FHAD1: variants seen among roughly 807,000 people sequenced by gnomAD.
FHAD1 encodes the protein forkhead associated phosphopeptide binding domain 1, also known as forkhead-associated domain-containing protein 1.
Under a neutral mutation model 191.3 loss-of-function variants are expected in FHAD1, and 146 were observed. The observed-to-expected ratio is 0.76, with a 90% CI of 0.67 to 0.88. The LOEUF (loss-of-function observed/expected upper bound fraction) is 0.88. FHAD1 is among the 40% of genes least tolerant of loss of function. The probability of loss-of-function intolerance (pLI) is 0.00; values close to 1 mark genes in which losing one functional copy is unlikely to be tolerated. For synonymous variants in FHAD1, 616 were observed against 672.3 expected (o/e 0.92, Z 1.29); for missense variants, 1,635 against 1,785.8 (o/e 0.92, Z 1.52).
In FHAD1 at chr1:15,381,916, C is replaced by T. The variant is rs919453519; in HGVS notation, c.4023-112C>T. 2.6e-5 allele frequency: 31 copies of T among 1,192,638 alleles called. No individual in the cohort carries two copies. Among genetic ancestry groups the T allele is most frequent in the Non-Finnish European group, 3.2e-5 (27 of 848,494 alleles). The allele number at this position is 1,192,638 out of a possible 1,614,324, so 73.9% of individuals were successfully genotyped here. The stretch of plus-strand genomic sequence containing the variant: ...ATGCTCTCCTGCTTGTGATGACACT[C>T]CTGAGTGAGCCCCCACTGTGGATGT... On this transcript the variant is annotated intron_variant, in intron 30 of 33. Transcript: ENST00000688493. The surrounding 1 kb of genome is among the most constrained non-coding windows in gnomAD (Gnocchi z 4.6).
intron 13 of FHAD1, chr1:15,328,670 T>C (rs1274163040): frequency 8.1e-6 from 3 of 369,474 alleles, no homozygotes; most frequent in Non-Finnish European, 1.4e-5. Flanking sequence ...TTACTGACTT[T>C]GAGCGGCCCG....
chr1:15,361,162 T>G (rs1694680395), intron 22 of FHAD1, among the ~76,000 whole-genome samples: 1 of 152,174 alleles, frequency 6.6e-6, no homozygotes, highest in African/African-American at 2.4e-5. Context: ...TGTGAGCACT[T>G]ATTTGCCCCA....
rs938488627 is a variant in FHAD1, at chr1:15,369,366, C to T, written c.3315-4C>T. On this transcript the variant is annotated splice_region_variant and splice_polypyrimidine_tract_variant and intron_variant, in intron 25 of 33. Coordinates refer to ENST00000688493, the MANE Select transcript of FHAD1 (RefSeq NM_001391957.1). Reference sequence around the variant, plus strand: ...TCGTGCCATCCTCCTCTTCTCTACCCTAGGGCTTCCCAAGAGAAACACAGA... The same window carrying T: ...TCGTGCCATCCTCCTCTTCTCTACCTTAGGGCTTCCCAAGAGAAACACAGA... 1 of 1,552,024 alleles carries T rather than the reference C, an allele frequency of 6.4e-7. No individual in the cohort carries two copies. The highest frequency in any genetic ancestry group is 8.7e-7 in the Non-Finnish European group (1 of 1,147,040).
Position 15,313,191 on chromosome 1 carries a change from A to T in FHAD1, c.1170+4A>T, listed in dbSNP as rs1406817830. On this transcript the variant is annotated splice_donor_region_variant and intron_variant, in intron 8 of 33. Transcript: ENST00000688493. ...GCTGGAAGCCCTTGGCTCTAGAGTG[A>T]GTAAGGATGACTGCGTCACCTTGTA... 6.4e-7 allele frequency: 1 copy of T among 1,551,876 alleles called. No individual in the cohort carries two copies. Among genetic ancestry groups the T allele is most frequent in the Admixed American group, 2.0e-5 (1 of 51,002 alleles).
rs1174092208 is a variant in FHAD1, at chr1:15,329,058, A to G, written c.1711-288A>G. The stretch of plus-strand genomic sequence containing the variant: ...ACGAATGGAAAAAAGAAGTAGCCAC[A>G]TTTGCTTCTCATTGCAGCCAAACTG... On this transcript the variant is annotated intron_variant, in intron 13 of 33. Transcript: ENST00000688493. The surrounding 1 kb of genome is among the most constrained non-coding windows in gnomAD (Gnocchi z 5.0). 8.0e-6 allele frequency: 2 copies of G among 251,558 alleles called. No homozygotes were observed. The highest frequency in any genetic ancestry group is 5.1e-5 in the Admixed American group (1 of 19,694). 15.6% of individuals were successfully genotyped at this position (251,558 alleles called of 1,614,324 possible). A position where few individuals can be genotyped will look rare whatever the true frequency, so the allele number is the denominator to read the frequency against.
rs137965321 is a variant in FHAD1 at position 15,302,114 on chromosome 1, C to T, written c.915+673C>T. On this transcript the variant is annotated intron_variant, in intron 6 of 33. Transcript: ENST00000688493. ...GAGAGGTGGCAGTGCAATTTGAACT[C>T]AGGTCCGCCTTCTCGCAGACCCCAT... Among the ~76,000 whole-genome samples the T allele has an allele frequency of 1.2e-3, 179 of 152,346 alleles. 1 individual carries two copies. The highest frequency in any genetic ancestry group is 4.1e-3 in the African/African-American group (170 of 41,582).
chr1:15,345,198 G>C lies in FHAD1; in HGVS notation c.2238+8G>C. ...CTGGCCCAGCAGAAGAAGGTATGTG[G>C]CTCAGGGAGACAGAGTCAGCTCGAG... On this transcript the variant is annotated splice_region_variant and intron_variant, in intron 17 of 33. Transcript: ENST00000688493. 6.5e-7 allele frequency: 1 copy of C among 1,548,576 alleles called. No homozygotes were observed. The highest frequency in any genetic ancestry group is 8.7e-7 in the Non-Finnish European group (1 of 1,144,256).
At chr1:15,383,326 C>T in intron 31 of FHAD1, 1 of 442,074 alleles carries the variant, frequency 2.3e-6, no homozygotes. Flanking sequence ...CAGGGCCTGG[C>T]ACCAGCCGGC....
intron 2 of FHAD1, among the ~76,000 whole-genome samples, chr1:15,253,775 T>A (rs116358447): frequency 3.2e-4 from 48 of 152,346 alleles, no homozygotes; most frequent in Non-Finnish European, 5.7e-4. Context: ...ATTTGATCTG[T>A]ACACTTTTAA....
intron 21 of FHAD1, among the ~76,000 whole-genome samples, chr1:15,360,091 T>C (rs1400388162): frequency 6.6e-6 from 1 of 152,134 alleles, no homozygotes; most frequent in Non-Finnish European, 1.5e-5. Context: ...CTAATGTGGG[T>C]GACAGAGCAA....
At chr1:15,240,575 G>A (rs1645227222) in intron 1 of FHAD1, among the ~76,000 whole-genome samples, 1 of 149,340 alleles carries the variant, frequency 6.7e-6, no homozygotes, top group Non-Finnish European at 1.5e-5. Context: ...AGGCTGCAGT[G>A]AGTTACGATC....
At chr1:15,309,551 T>C (rs1005392753) in intron 7 of FHAD1, among the ~76,000 whole-genome samples, 5 of 152,096 alleles carry the variant, frequency 3.3e-5, no homozygotes, top group African/African-American at 9.7e-5. Context: ...TGAAGGAGAA[T>C]AGCTTAGTGC....
At chr1:15,362,610 T>C in intron 22 of FHAD1, 32 bp from the exon 23 acceptor site, 1 of 1,519,714 alleles carries the variant, frequency 6.6e-7, no homozygotes, top group Non-Finnish European at 8.9e-7. Flanking sequence ...GACAGTTTCC[T>C]CTCACAATGA....
chr1:15,300,905 C>T (rs1042210059), intron 5 of FHAD1, among the ~76,000 whole-genome samples: 4 of 152,198 alleles, frequency 2.6e-5, no homozygotes, highest in African/African-American at 7.2e-5. Flanking sequence ...TCTGGGCTCA[C>T]TGCAACCTCT....
At chr1:15,365,007 G>C (rs1165783652) in intron 23 of FHAD1, among the ~76,000 whole-genome samples, 1 of 152,076 alleles carries the variant, frequency 6.6e-6, no homozygotes, top group African/African-American at 2.4e-5. Flanking sequence ...CTGTTGCCTG[G>C]GCCCCTGTTG....
In FHAD1 at chr1:15,381,392, C is replaced by G; in HGVS notation, c.3963C>G (p.Asn1321Lys). Residue 1321 changes from asparagine (N) to lysine (K), a missense_variant, in exon 30 of 34, where the codon AAC (asparagine) becomes AAG (lysine). Transcript: ENST00000688493. This position sits in a 1 kb window ranked among gnomAD's most constrained non-coding sequence, Gnocchi z 4.6. Reference sequence around the variant, plus strand: ...TTGATAAGATCACCCAACTCAAGAACCAGCTGGGGAGGAAAGAGGAGCTGT... The same window carrying G: ...TTGATAAGATCACCCAACTCAAGAAGCAGCTGGGGAGGAAAGAGGAGCTGT... Reference protein sequence around the residue: ...LVFDKITQLKNQLGRKEELLR... With the variant: ...LVFDKITQLKKQLGRKEELLR... 1 of 1,551,774 alleles carries G rather than the reference C, an allele frequency of 6.4e-7. No homozygotes were observed. The highest frequency in any genetic ancestry group is 1.2e-5 in the South Asian group (1 of 84,052).
At chr1:15,386,857 T>TTTG (rs1553122754) in intron 31 of FHAD1, among the ~76,000 whole-genome samples, 3 of 151,696 alleles carry the variant, frequency 2.0e-5, no homozygotes, top group Non-Finnish European at 2.9e-5. Flanking sequence ...TTCTTTTTTT[T>TTTG]TTTGTTTGTT....
intron 22 of FHAD1, among the ~76,000 whole-genome samples, chr1:15,361,877 C>T (rs1173555283): frequency 3.3e-5 from 5 of 151,998 alleles, no homozygotes; most frequent in Non-Finnish European, 5.9e-5. Flanking sequence ...TGGTGGCGCG[C>T]GCCTGTAGTC....
chr1:15,390,020 C>T (rs1014765224), intron 32 of FHAD1, among the ~76,000 whole-genome samples: 1 of 152,162 alleles, frequency 6.6e-6, no homozygotes, highest in Admixed American at 6.5e-5. Flanking sequence ...AATAGCAGCC[C>T]ACGGCTATGC....
Sources: gnomAD v4.1 joint callset for allele counts (sites outside exome capture counted in the v4.1 genomes callset) on GRCh38, gnomAD v4.1.1 for gene constraint, Gnocchi (gnomAD v3.1) non-coding constraint, MANE v1.5 for transcripts, NCBI Gene and HGNC (gene_info 2026-07-23, HGNC 2026-07-21) for gene names.